CASP8: variants seen among roughly 807,000 people sequenced by gnomAD.
CASP8 encodes the protein caspase 8.
Under a neutral mutation model 46.3 loss-of-function variants are expected in CASP8, and 24 were observed. That is an observed-to-expected ratio of 0.52 (90% CI 0.38 to 0.73). The LOEUF is 0.73. Among genes scored for constraint, CASP8 ranks in the 30% least tolerant of loss-of-function variants. CASP8 has a pLI of 0.00. For synonymous variants in CASP8, 188 were observed against 200.4 expected (o/e 0.94, Z 0.52); for missense variants, 460 against 559.0 (o/e 0.82, Z 1.79).
rs1325965289 is a variant in CASP8, at chr2:201,285,088, G to T, written c.1075G>T (p.Ala359Ser). The change falls in exon 8 of 9, where the codon GCT becomes TCT. Residue 359 changes from alanine to serine, a missense_variant. Physicochemically the swap from Ala to Ser is moderately conservative, Grantham distance 99. Transcript: ENST00000673742. ...AGKPKVFFIQACQGDNYQKGI... is the reference protein window; with the variant it reads ...AGKPKVFFIQSCQGDNYQKGI... ...AAAACCCAAAGTGTTTTTTATTCAG[G>T]CTTGTCAGGGGGATAACTACCAGAA... The T allele has an allele frequency of 6.2e-7, 1 of 1,614,006 alleles. No homozygotes were observed.
upstream of CASP8, among the ~76,000 whole-genome samples, chr2:201,257,602 TG>T (rs200769936): frequency 6.1e-3 from 933 of 152,078 alleles, 11 homozygotes; most frequent in African/African-American, 0.019. Flanking sequence ...ACAACTAAAC[TG>T]GAGAACATGG....
At chr2:201,255,567 G>A (rs975018448), upstream of CASP8, among the ~76,000 whole-genome samples, 1 of 152,176 alleles carries the variant, frequency 6.6e-6, no homozygotes, top group Non-Finnish European at 1.5e-5. Context: ...GTACATGCAG[G>A]GAGATGTGTA....
intron 7 of CASP8, among the ~76,000 whole-genome samples, chr2:201,279,908 G>A (rs1050955033): frequency 2.0e-5 from 3 of 151,970 alleles, no homozygotes; most frequent in Admixed American, 6.6e-5. Flanking sequence ...AGCTGAGATC[G>A]TACCACTGCA....
chr2:201,261,258 G>A (rs1947371804), intron 1 of CASP8, among the ~76,000 whole-genome samples: 1 of 152,022 alleles, frequency 6.6e-6, no homozygotes, highest in East Asian at 1.9e-4. Flanking sequence ...GGGCATGATG[G>A]CGCATGCCTG....
chr2:201,253,288 C>T (rs1448097019), intron 2 of CASP8, among the ~76,000 whole-genome samples: 1 of 124,744 alleles, frequency 8.0e-6, no homozygotes. Flanking sequence ...TGCACCTAGC[C>T]TGATCTTTTT....
intron 2 of CASP8, among the ~76,000 whole-genome samples, chr2:201,236,439 A>G (rs1430925552): frequency 6.6e-6 from 1 of 152,172 alleles, no homozygotes; most frequent in African/African-American, 2.4e-5. Flanking sequence ...CCATGAAGTC[A>G]AAGATCTAAC....
chr2:201,272,617 C>A lies in CASP8; in HGVS notation c.412-21C>A, dbSNP rs994472568. 8.1e-6 allele frequency: 13 copies of A among 1,613,616 alleles called. No homozygotes were observed. The highest frequency in any genetic ancestry group is 2.7e-5 in the African/African-American group (2 of 74,882). Reference sequence around the variant, plus strand: ...AGTAGGGCTCAATCCAGATTCCCAACTTTATTTCTCCTCCTCTTAGAACCT... The same window carrying A: ...AGTAGGGCTCAATCCAGATTCCCAAATTTATTTCTCCTCCTCTTAGAACCT... On this transcript the variant is annotated intron_variant, in intron 3 of 8. Transcript: ENST00000673742. The surrounding 1 kb of genome is among the most constrained non-coding windows in gnomAD (Gnocchi z 4.4).
At chr2:201,247,712 TC>T (rs1946595947) in intron 2 of CASP8, among the ~76,000 whole-genome samples, 1 of 152,000 alleles carries the variant, frequency 6.6e-6, no homozygotes, top group African/African-American at 2.4e-5. Context: ...TGGTGCGATC[TC>T]GGCTCACTGC....
chr2:201,281,756 G>A, intron 7 of CASP8: 2 of 885,200 alleles, frequency 2.3e-6, no homozygotes, highest in South Asian at 1.4e-5. Flanking sequence ...CTAAATGATA[G>A]CTTACCCATC....
chr2:201,275,401 T>C (rs918889665), intron 6 of CASP8, among the ~76,000 whole-genome samples: 68 of 152,208 alleles, frequency 4.5e-4, no homozygotes, highest in African/African-American at 1.6e-3. Flanking sequence ...CATCTCTGTG[T>C]TTTTGTCTCA....
At chr2:201,277,014 A>ATT in intron 7 of CASP8, 46 bp downstream of exon 7, 1 of 1,375,284 alleles carries the variant, frequency 7.3e-7, no homozygotes, top group Non-Finnish European at 1.0e-6. Flanking sequence ...TCTTATGCCT[A>ATT]TTTTTTTTTA....
rs1159535172 is a variant in CASP8, at chr2:201,272,246, CTGTG to C, written c.412-388_412-385del. On this transcript the variant is annotated intron_variant, in intron 3 of 8. Transcript: ENST00000673742. The surrounding 1 kb of genome is among the most constrained non-coding windows in gnomAD (Gnocchi z 4.4). ...GCATGTGGTGTCTGTGTGTGTGTGTCTGTGTGTCTGTATGTACTCAGGTCTGGAG... is the reference window on the plus strand; with the variant it reads ...GCATGTGGTGTCTGTGTGTGTGTGTCTGTCTGTATGTACTCAGGTCTGGAG... Among the ~76,000 whole-genome samples, 9 of 151,670 alleles carry C rather than the reference CTGTG, an allele frequency of 5.9e-5. No individual in the cohort carries two copies. The highest frequency in any genetic ancestry group is 1.3e-4 in the Non-Finnish European group (9 of 67,824).
At chr2:201,249,320 C>T (rs567490363) in intron 2 of CASP8, among the ~76,000 whole-genome samples, 13 of 152,300 alleles carry the variant, frequency 8.5e-5, no homozygotes, top group African/African-American at 2.6e-4. Flanking sequence ...ACTATAAAGA[C>T]GATCCTTTTT....
chr2:201,286,497 A>G lies in CASP8; in HGVS notation c.1343A>G (p.Tyr448Cys), dbSNP rs1949568048. The G allele has an allele frequency of 1.9e-6, 3 of 1,612,774 alleles. No individual in the cohort carries two copies. In the African/African-American group the frequency reaches 4.0e-5, roughly 22 times the overall value. ...CTCACCATCCTGACTGAAGTGAACT[A>G]TGAAGTAAGCAACAAGGATGACAAG... ...DILTILTEVN[Y>C]EVSNKDDKKN... Residue 448 changes from tyrosine to cysteine, a missense_variant, in exon 9 of 9, where the codon TAT (tyrosine) becomes TGT (cysteine). Transcript: ENST00000673742.
upstream of CASP8, among the ~76,000 whole-genome samples, chr2:201,260,194 T>C (rs1172841644): frequency 6.6e-6 from 1 of 152,194 alleles, no homozygotes; most frequent in African/African-American, 2.4e-5. Flanking sequence ...AATTAAAGTC[T>C]TAATGATGAA....
chr2:201,246,236 G>A (rs7608692), intron 2 of CASP8, among the ~76,000 whole-genome samples: 31,434 of 152,114 alleles, frequency 0.21, 3,449 homozygotes, highest in South Asian at 0.32. Context: ...TCTGGCATGT[G>A]TGGGAATAAA....
At chr2:201,279,763 A>G (rs149319116) in intron 7 of CASP8, among the ~76,000 whole-genome samples, 2 of 152,172 alleles carry the variant, frequency 1.3e-5, no homozygotes, top group East Asian at 1.9e-4. Flanking sequence ...GCCCAGCCTG[A>G]CCAACATGGT....
chr2:201,278,707 T>C (rs1436559970), intron 7 of CASP8, among the ~76,000 whole-genome samples: 1 of 152,076 alleles, frequency 6.6e-6, no homozygotes, highest in African/African-American at 2.4e-5. Flanking sequence ...CAGTTAATTG[T>C]ATTTAGTAGA....
intron 2 of CASP8, among the ~76,000 whole-genome samples, chr2:201,268,956 TGA>T (rs1188240647): frequency 0.065 from 8,688 of 133,252 alleles, 365 homozygotes; most frequent in Non-Finnish European, 0.09. Flanking sequence ...TGTGTGTGTG[TGA>T]GACAGTGTCT....
Sources: allele counts gnomAD v4.1 joint callset (sites outside exome capture counted in the v4.1 genomes callset), GRCh38; gene constraint gnomAD v4.1.1; non-coding constraint Gnocchi (gnomAD v3.1); transcripts MANE v1.5; gene names NCBI Gene and HGNC (gene_info 2026-07-23, HGNC 2026-07-21).